The following TSHZ2 variants were observed in gnomAD, a reference collection of about 807,000 sequenced individuals.
TSHZ2 encodes teashirt homolog 2.
In TSHZ2, 21 loss-of-function variants were observed where a neutral mutation model predicts 74.4. That is an observed-to-expected ratio of 0.28 (90% CI 0.20 to 0.41). TSHZ2 has a LOEUF of 0.41. TSHZ2 is among the 10% of genes least tolerant of loss of function. TSHZ2 has a pLI of 1.00. For missense variants in TSHZ2, 1,244 were observed against 1,293.5 expected (o/e 0.96, Z 0.59); for synonymous variants, 540 against 515.3 (o/e 1.05, Z -0.65).
intron 1 of TSHZ2, among the ~76,000 whole-genome samples, chr20:52,975,124 T>G (rs1981280557): frequency 6.6e-6 from 1 of 152,196 alleles, no homozygotes; most frequent in Non-Finnish European, 1.5e-5. Context: ...GTGAGCCTGC[T>G]GCATCTAGTT....
rs746136673 is a variant in TSHZ2, at chr20:53,238,836, TAA to T, written c.41-14639_41-14638del. ...GTCAGTCCCAAGTCAATCTTATATC[TAA>T]AAAAAAAAAAAAAAAAAAAAAAAGA... is the stretch of plus-strand genomic sequence containing the variant. On this transcript the variant is annotated intron_variant, in intron 1 of 2. Transcript: ENST00000371497. 4.3e-3 allele frequency among the ~76,000 whole-genome samples: 287 copies of T among 65,984 alleles called. 1 individual carries two copies. Among genetic ancestry groups the T allele is most frequent in the East Asian group, 8.6e-3 (15 of 1,742 alleles). The allele number at this position is 65,984 out of a possible 152,430, so 43.3% of individuals were successfully genotyped here. A position where few individuals can be genotyped will look rare whatever the true frequency, so the allele number is the denominator to read the frequency against.
chr20:53,020,234 C>T (rs1983193058), intron 1 of TSHZ2, among the ~76,000 whole-genome samples: 3 of 152,210 alleles, frequency 2.0e-5, no homozygotes, highest in Admixed American at 6.5e-5. Flanking sequence ...GTCACTTCGT[C>T]ACCATCGGTC....
chr20:52,986,255 C>T (rs189598614), intron 1 of TSHZ2, among the ~76,000 whole-genome samples: 77 of 151,672 alleles, frequency 5.1e-4, no homozygotes, highest in Non-Finnish European at 1.0e-3. Flanking sequence ...AAAAATTAGC[C>T]GGGCGTGGTG....
chr20:53,361,857 G>C (rs1981065165), intron 2 of TSHZ2, among the ~76,000 whole-genome samples: 1 of 152,128 alleles, frequency 6.6e-6, no homozygotes, highest in South Asian at 2.1e-4. Flanking sequence ...TGCACACAAA[G>C]CATCCTTCAC....
At chr20:52,991,600 G>T (rs949086219) in intron 1 of TSHZ2, among the ~76,000 whole-genome samples, 3 of 147,912 alleles carry the variant, frequency 2.0e-5, no homozygotes, top group Admixed American at 2.0e-4. Context: ...TCTGATGCAT[G>T]ATTTTGTGTG....
chr20:53,151,847 A>AGCATAATGTGAG (rs1366087804), intron 1 of TSHZ2, among the ~76,000 whole-genome samples: 1 of 152,220 alleles, frequency 6.6e-6, no homozygotes, highest in Non-Finnish European at 1.5e-5. Flanking sequence ...ATTATTCTTT[A>AGCATAATGTGAG]GCATAATGTG....
At chr20:53,240,759 A>G (rs139979759) in intron 1 of TSHZ2, among the ~76,000 whole-genome samples, 2 of 151,978 alleles carry the variant, frequency 1.3e-5, no homozygotes, top group African/African-American at 2.4e-5. Context: ...AGATAGATAG[A>G]TAGATAGATA....
chr20:53,331,619 A>C (rs1979725502), intron 2 of TSHZ2, among the ~76,000 whole-genome samples: 1 of 152,098 alleles, frequency 6.6e-6, no homozygotes. Flanking sequence ...TGTGTGGGAG[A>C]AGTGACCACC....
At chr20:53,321,251 T>G (rs539804371) in intron 2 of TSHZ2, among the ~76,000 whole-genome samples, 1 of 152,302 alleles carries the variant, frequency 6.6e-6, no homozygotes, top group African/African-American at 2.4e-5. Flanking sequence ...AAATTAAAGT[T>G]TGGTCCCTTA....
At chr20:53,398,894 C>CA (rs1329450007) in intron 2 of TSHZ2, 1 of 152,192 alleles carries the variant, frequency 6.6e-6, no homozygotes, top group East Asian at 1.9e-4. Flanking sequence ...GCAATGCATA[C>CA]ACTGAGCACC....
At chr20:53,392,969 G>A (rs1056779336) in intron 2 of TSHZ2, among the ~76,000 whole-genome samples, 1 of 152,078 alleles carries the variant, frequency 6.6e-6, no homozygotes, top group African/African-American at 2.4e-5. Context: ...GAGTAGCTGG[G>A]ATTACCGCAT....
At chr20:53,112,337 G>A (rs552299708) in intron 1 of TSHZ2, among the ~76,000 whole-genome samples, 1 of 152,260 alleles carries the variant, frequency 6.6e-6, no homozygotes, top group South Asian at 2.1e-4. Context: ...CAACCACAGA[G>A]CCCCTTCTGA....
intron 1 of TSHZ2, among the ~76,000 whole-genome samples, chr20:53,139,409 T>G (rs1987332171): frequency 1.3e-5 from 2 of 152,152 alleles, no homozygotes; most frequent in Admixed American, 6.5e-5. Flanking sequence ...CAAGGTGAGG[T>G]GGGAAACCTC....
chr20:53,247,409 C>T (rs1005433393), intron 1 of TSHZ2, among the ~76,000 whole-genome samples: 3 of 152,166 alleles, frequency 2.0e-5, no homozygotes, highest in African/African-American at 7.2e-5. Flanking sequence ...AGAGGGATCC[C>T]TCCACATGGC....
chr20:53,187,146 C>G (rs899792050), intron 1 of TSHZ2, among the ~76,000 whole-genome samples: 3 of 152,120 alleles, frequency 2.0e-5, no homozygotes, highest in African/African-American at 7.2e-5. Context: ...ACACTCGCCG[C>G]ACGTCTGGGG....
At chr20:52,989,164 C>CAA (rs3995491) in intron 1 of TSHZ2, among the ~76,000 whole-genome samples, 5,027 of 126,056 alleles carry the variant, frequency 0.04, 156 homozygotes, top group Middle Eastern at 0.099. Context: ...CTCTGTCTGG[C>CAA]AAAAAAAAAA....
chr20:53,138,109 G>A (rs1324826276), intron 1 of TSHZ2, among the ~76,000 whole-genome samples: 7 of 152,168 alleles, frequency 4.6e-5, no homozygotes, highest in African/African-American at 1.2e-4. Context: ...GTGGCCGGGC[G>A]CAGTGGCTCA....
At chr20:53,401,774 C>CTTTTTTTTTTTTTTTT (rs59656180) in intron 2 of TSHZ2, among the ~76,000 whole-genome samples, 1 of 94,868 alleles carries the variant, frequency 1.1e-5, no homozygotes, top group Non-Finnish European at 2.0e-5. Context: ...AACACATTTT[C>CTTTTTTTTTTTTTTTT]TTTTTTTTTT....
At chr20:53,466,288 A>G (rs1985562080) in intron 2 of TSHZ2, among the ~76,000 whole-genome samples, 1 of 143,032 alleles carries the variant, frequency 7.0e-6, no homozygotes, top group Non-Finnish European at 1.5e-5. Flanking sequence ...GAGAAAAAGG[A>G]AAAAAAAAAA....
Sources: allele counts gnomAD v4.1 joint callset (sites outside exome capture counted in the v4.1 genomes callset), GRCh38; gene constraint gnomAD v4.1.1; transcripts MANE v1.5; gene names NCBI Gene and HGNC (gene_info 2026-07-23, HGNC 2026-07-21).